NDST4: variants seen among roughly 807,000 people sequenced by gnomAD.
The protein encoded by NDST4 is N-heparan sulfate sulfotransferase 4.
In NDST4, 63 loss-of-function variants were observed where a neutral mutation model predicts 100.8. The ratio of observed to expected loss-of-function variants is 0.62; its 90% confidence interval spans 0.51 to 0.77. The LOEUF (loss-of-function observed/expected upper bound fraction) is 0.77, where lower values mean the gene tolerates loss of function less well. Ranked by LOEUF, NDST4 falls within the 30% of genes least tolerant of loss-of-function variation. NDST4 has a pLI of 0.00. For missense variants in NDST4, 943 were observed against 1,018.4 expected, an observed-to-expected ratio of 0.93 and a Z score of 1.01; for synonymous variants, 377 against 361.8, an observed-to-expected ratio of 1.04 and a Z score of -0.48.
At chr4:115,103,822 C>T (rs1729784073) in intron 1 of NDST4, among the ~76,000 whole-genome samples, 1 of 152,064 alleles carries the variant, frequency 6.6e-6, no homozygotes, top group Admixed American at 6.6e-5. Flanking sequence ...AAAAACTAAT[C>T]CAGGTTACAC....
At chr4:115,042,250 C>G (rs776065392) in intron 2 of NDST4, among the ~76,000 whole-genome samples, 8 of 152,084 alleles carry the variant, frequency 5.3e-5, no homozygotes, top group Non-Finnish European at 1.2e-4. Context: ...TGTATCTATG[C>G]TATATACACT....
In NDST4 at chr4:114,970,464, A is replaced by G; in HGVS notation, c.1187T>C (p.Val396Ala). 1 of 1,614,062 alleles carries G rather than the reference A, an allele frequency of 6.2e-7. No homozygotes were observed. Among genetic ancestry groups the G allele is most frequent in the Admixed American group, 1.7e-5 (1 of 60,018 alleles). Residue 396 changes from valine to alanine, a missense_variant, in exon 4 of 14, where the codon GTA becomes GCA. By Grantham distance (64) the Val-to-Ala change is moderately conservative. Transcript: ENST00000264363. ...TTCCTTGTTGAGAATCATCTGCTCT[A>G]CTAAAGATGACTCGTTGTGGAAGAG... ...PHLFHNESSL[V>A]EQMILNKEFA... is the part of the protein sequence containing the mutation.
At position 114,846,858 on chromosome 4, in the gene NDST4, C is replaced by A. The variant is rs150421220; in HGVS notation, c.1941-861G>T. Among the ~76,000 whole-genome samples the A allele has an allele frequency of 6.2e-3, 948 of 152,258 alleles. 8 individuals carry two copies. The highest frequency in any genetic ancestry group is 0.022 in the African/African-American group (897 of 41,540). Reference sequence around the variant, plus strand: ...AGTGGTGAAGAGTCTCATCTATATTCCTGCTAAACAATTTGTGTTCCATTT... The same window carrying A: ...AGTGGTGAAGAGTCTCATCTATATTACTGCTAAACAATTTGTGTTCCATTT... On this transcript the variant is annotated intron_variant, in intron 9 of 13. Transcript: ENST00000264363.
intron 7 of NDST4, among the ~76,000 whole-genome samples, chr4:114,867,646 T>TAAAAAAAAAAA (rs761173470): frequency 7.5e-5 from 2 of 26,778 alleles, no homozygotes; most frequent in Non-Finnish European, 1.0e-4. Context: ...ATGAGAATTA[T>TAAAAAAAAAAA]AAAAAAAAAA....
At position 114,873,011 on chromosome 4, in the gene NDST4, G is replaced by T. The variant is rs137963799; in HGVS notation, c.1537-2061C>A. 2.1e-3 allele frequency among the ~76,000 whole-genome samples: 324 copies of T among 151,782 alleles called. 1 individual carries two copies. The highest frequency in any genetic ancestry group is 7.3e-3 in the African/African-American group (303 of 41,426). On this transcript the variant is annotated intron_variant, in intron 6 of 13. Coordinates refer to ENST00000264363, the MANE Select transcript of NDST4 (RefSeq NM_022569.3). The stretch of plus-strand genomic sequence containing the variant: ...AGAAAACTATATAAGTATTATCCTG[G>T]CAGCTGAAAGTTTTTATTTTTCTTT...
chr4:115,025,687 A>G (rs1727968289), intron 2 of NDST4, among the ~76,000 whole-genome samples: 1 of 152,150 alleles, frequency 6.6e-6, no homozygotes, highest in Non-Finnish European at 1.5e-5. Flanking sequence ...TCTGTAGTAT[A>G]TATTTATTCA....
At chr4:115,071,229 A>C (rs1380262887) in intron 2 of NDST4, among the ~76,000 whole-genome samples, 1 of 151,992 alleles carries the variant, frequency 6.6e-6, no homozygotes, top group East Asian at 1.9e-4. Flanking sequence ...TATGATTCAG[A>C]ATCTCTACCT....
intron 7 of NDST4, among the ~76,000 whole-genome samples, chr4:114,865,959 A>C (rs1161211928): frequency 3.3e-5 from 5 of 152,258 alleles, no homozygotes; most frequent in Non-Finnish European, 7.3e-5. Flanking sequence ...AGTTAGGAGG[A>C]GAAAGATAAC....
intron 7 of NDST4, among the ~76,000 whole-genome samples, chr4:114,863,690 C>T (rs1275755397): frequency 1.3e-5 from 2 of 152,234 alleles, no homozygotes; most frequent in African/African-American, 4.8e-5. Flanking sequence ...CAGTTTATGG[C>T]TACAGTGCCA....
chr4:115,069,896 A>G (rs1338698247), intron 2 of NDST4, among the ~76,000 whole-genome samples: 1 of 152,130 alleles, frequency 6.6e-6, no homozygotes, highest in Non-Finnish European at 1.5e-5. Flanking sequence ...ATAAGTAAAT[A>G]AATAAAAATA....
chr4:114,865,128 A>G (rs774349101), intron 7 of NDST4, among the ~76,000 whole-genome samples: 78 of 151,278 alleles, frequency 5.2e-4, no homozygotes, highest in Non-Finnish European at 7.4e-4. Flanking sequence ...GCAGTGGCAC[A>G]ATCTCGGCTC....
At chr4:114,948,226 T>C (rs1725912041) in intron 4 of NDST4, among the ~76,000 whole-genome samples, 1 of 152,050 alleles carries the variant, frequency 6.6e-6, no homozygotes, top group Non-Finnish European at 1.5e-5. Context: ...GAAAAATGTT[T>C]TAAACATTTG....
intron 6 of NDST4, among the ~76,000 whole-genome samples, chr4:114,898,543 G>A (rs73850734): frequency 0.049 from 7,474 of 152,020 alleles, 572 homozygotes; most frequent in African/African-American, 0.17. Context: ...TTGCCTCCTC[G>A]TATAAACTTT....
At chr4:115,065,542 T>C (rs1224856366) in intron 2 of NDST4, among the ~76,000 whole-genome samples, 1 of 152,156 alleles carries the variant, frequency 6.6e-6, no homozygotes, top group Non-Finnish European at 1.5e-5. Flanking sequence ...TGTAAATGAT[T>C]AGCACATTTT....
chr4:114,954,282 G>A (rs978270813), intron 4 of NDST4, among the ~76,000 whole-genome samples: 2 of 151,866 alleles, frequency 1.3e-5, no homozygotes, highest in African/African-American at 4.8e-5. Flanking sequence ...CTAAAATCAC[G>A]ATGGATTTAA....
intron 4 of NDST4, among the ~76,000 whole-genome samples, chr4:114,939,949 GA>G (rs1254221654): frequency 1.3e-5 from 2 of 152,112 alleles, no homozygotes; most frequent in African/African-American, 4.8e-5. Flanking sequence ...TACAGACCGA[GA>G]AGCTTCTATT....
intron 1 of NDST4, among the ~76,000 whole-genome samples, chr4:115,091,912 T>G (rs1180468418): frequency 3.9e-5 from 6 of 152,194 alleles, no homozygotes; most frequent in Admixed American, 2.6e-4. Context: ...TAACTATCAC[T>G]GAATTTGTCA....
At chr4:114,892,745 G>T (rs1199841734) in intron 6 of NDST4, among the ~76,000 whole-genome samples, 3 of 151,682 alleles carry the variant, frequency 2.0e-5, no homozygotes, top group African/African-American at 7.3e-5. Flanking sequence ...TTTTGTGGGG[G>T]TGGGAGTTGG....
intron 1 of NDST4, among the ~76,000 whole-genome samples, chr4:115,084,281 T>C (rs1237032199): frequency 2.0e-5 from 3 of 152,138 alleles, no homozygotes; most frequent in African/African-American, 7.2e-5. Context: ...TTAGGGTATC[T>C]GGTGGAAGAA....
Sources: gnomAD v4.1 joint callset for allele counts (sites outside exome capture counted in the v4.1 genomes callset) on GRCh38, gnomAD v4.1.1 for gene constraint, MANE v1.5 for transcripts, NCBI Gene and HGNC (gene_info 2026-07-23, HGNC 2026-07-21) for gene names.